MRLN: variants seen among roughly 807,000 people sequenced by gnomAD.
MRLN encodes myoregulin, also known as Linc-RNA activator of myogenesis.
intron 1 of MRLN, among the ~76,000 whole-genome samples, chr10:59,742,628 A>G (rs1018026402): frequency 3.9e-5 from 6 of 152,118 alleles, no homozygotes; most frequent in Admixed American, 3.9e-4. Context: ...AACTGTACAT[A>G]GAAGCTTCAT....
intron 1 of MRLN, among the ~76,000 whole-genome samples, chr10:59,751,772 T>A (rs1841106140): frequency 6.6e-6 from 1 of 151,920 alleles, no homozygotes; most frequent in Non-Finnish European, 1.5e-5. Context: ...GCACATGGTG[T>A]CTTGCACATG....
At chr10:59,751,498 T>TA (rs1459312310) in intron 1 of MRLN, among the ~76,000 whole-genome samples, 2 of 149,940 alleles carry the variant, frequency 1.3e-5, no homozygotes, top group Non-Finnish European at 1.5e-5. Context: ...CTGTCTCTAC[T>TA]AAAAAAAAAT....
chr10:59,737,107 TAAC>T lies in MRLN; in HGVS notation c.91_93del (p.Val31del), dbSNP rs1840932777. 1.3e-5 allele frequency: 5 copies of T among 397,954 alleles called. No individual in the cohort carries two copies. The Admixed American group carries it at 1.8e-4, about 14-fold the overall frequency. 24.7% of individuals were successfully genotyped at this position (397,954 alleles called of 1,614,324 possible). ...ATAATAGAAATTAAGTCAACAAAGA[TAAC>T]AAACAAAATTTTTAGAAGTCTTCCC... On this transcript the variant is annotated inframe_deletion, in exon 3 of 3. Transcript: ENST00000414264.
At chr10:59,750,125 T>G (rs1050640445) in intron 1 of MRLN, among the ~76,000 whole-genome samples, 4 of 135,984 alleles carry the variant, frequency 2.9e-5, no homozygotes, top group Non-Finnish European at 4.5e-5. Context: ...TAGGCTGGAG[T>G]GCAATGGCAC....
intron 1 of MRLN, chr10:59,744,280 G>C (rs1024300920): frequency 6.4e-6 from 1 of 155,508 alleles, no homozygotes; most frequent in African/African-American, 2.5e-5. Flanking sequence ...CCACCGTCCC[G>C]TCTGAGATGT....
At chr10:59,747,944 A>C (rs968814100) in intron 1 of MRLN, among the ~76,000 whole-genome samples, 4 of 152,256 alleles carry the variant, frequency 2.6e-5, no homozygotes, top group African/African-American at 9.6e-5. Context: ...AATAATTTTA[A>C]AAATAAAATC....
chr10:59,738,003 T>A (rs1840941824), intron 2 of MRLN: 1 of 151,892 alleles, frequency 6.6e-6, no homozygotes, highest in Non-Finnish European at 1.5e-5. Flanking sequence ...CATCTACTAT[T>A]TTCACCCCAA....
At chr10:59,752,529 C>G (rs1399101400) in intron 1 of MRLN, among the ~76,000 whole-genome samples, 1 of 152,192 alleles carries the variant, frequency 6.6e-6, no homozygotes, top group Non-Finnish European at 1.5e-5. Context: ...ACCACATCTG[C>G]CTCCTTCCAG....
At chr10:59,748,524 C>G (rs1412239675) in intron 1 of MRLN, among the ~76,000 whole-genome samples, 1 of 152,158 alleles carries the variant, frequency 6.6e-6, no homozygotes, top group African/African-American at 2.4e-5. Context: ...TATTCTTGCA[C>G]CTTGTTTCCT....
chr10:59,737,229 AAAGAG>A lies in MRLN; in HGVS notation c.-20-14_-20-10del. 2.5e-6 allele frequency: 1 copy of A among 395,150 alleles called. No homozygotes were observed. Among genetic ancestry groups the A allele is most frequent in the Non-Finnish European group, 4.5e-6 (1 of 223,422 alleles). 24.5% of individuals were successfully genotyped at this position (395,150 alleles called of 1,614,324 possible). A position where few individuals can be genotyped will look rare whatever the true frequency, so the allele number is the denominator to read the frequency against. On this transcript the variant is annotated splice_polypyrimidine_tract_variant and intron_variant, in intron 2 of 2. Coordinates refer to ENST00000414264, the MANE Select transcript of MRLN (RefSeq NM_001304731.2). ...CAGAATTATCCCGCTCCCTAGGAAA[AAAGAG>A]AAAAGTATCCTCAAATGAACACATT...
At chr10:59,743,110 A>C (rs1255975919) in intron 1 of MRLN, among the ~76,000 whole-genome samples, 1 of 152,174 alleles carries the variant, frequency 6.6e-6, no homozygotes, top group Non-Finnish European at 1.5e-5. Context: ...AAATAAATCC[A>C]AATGTCAATA....
intron 1 of MRLN, among the ~76,000 whole-genome samples, chr10:59,739,836 G>T (rs1033919615): frequency 2.0e-5 from 3 of 152,232 alleles, no homozygotes; most frequent in African/African-American, 7.2e-5. Flanking sequence ...GCTCACGCCT[G>T]TAATCCCAGC....
At chr10:59,746,256 T>C (rs1430442034) in intron 1 of MRLN, among the ~76,000 whole-genome samples, 20 of 152,212 alleles carry the variant, frequency 1.3e-4, no homozygotes, top group Non-Finnish European at 2.1e-4. Context: ...GAGGCATATG[T>C]TGAAAAATGA....
In MRLN at chr10:59,737,164, T is replaced by A. The variant is rs542021027; in HGVS notation, c.37A>T (p.Thr13Ser). 2.5e-6 allele frequency: 1 copy of A among 397,980 alleles called. No homozygotes were observed. Among genetic ancestry groups the A allele is most frequent in the African/African-American group, 2.1e-5 (1 of 48,704 alleles). 24.7% of individuals were successfully genotyped at this position (397,980 alleles called of 1,614,324 possible). The change falls in exon 3 of 3, where the codon ACT becomes TCT. Residue 13 changes from threonine (T) to serine (S), a missense_variant. Transcript: ENST00000414264. ...ATTTCATCTTCTAGACTTTTGGGAG[T>A]AGTAGTAGAAATTAATATCCAGTTT... Reference protein sequence around the residue: ...GKNWILISTTTPKSLEDEIVG... With the variant: ...GKNWILISTTSPKSLEDEIVG...
chr10:59,737,555 T>C (rs1840937363), intron 2 of MRLN, among the ~76,000 whole-genome samples: 1 of 151,890 alleles, frequency 6.6e-6, no homozygotes, highest in Admixed American at 6.6e-5. Flanking sequence ...ATCATTTTTA[T>C]TGGCATTGGT....
chr10:59,737,934 T>G (rs1193877214), intron 2 of MRLN: 1 of 152,076 alleles, frequency 6.6e-6, no homozygotes, highest in African/African-American at 2.4e-5. Context: ...CCATATATAC[T>G]CAACTTAAAA....
At chr10:59,751,505 A>C (rs1841102241) in intron 1 of MRLN, among the ~76,000 whole-genome samples, 1 of 151,816 alleles carries the variant, frequency 6.6e-6, no homozygotes, top group Non-Finnish European at 1.5e-5. Flanking sequence ...TACTAAAAAA[A>C]AATAATAACA....
At chr10:59,748,838 G>C (rs1053003024) in intron 1 of MRLN, among the ~76,000 whole-genome samples, 5 of 152,172 alleles carry the variant, frequency 3.3e-5, no homozygotes, top group African/African-American at 1.2e-4. Context: ...CAACATCTTT[G>C]ATTCCAGCCC....
chr10:59,745,747 T>A (rs764704577), intron 1 of MRLN, among the ~76,000 whole-genome samples: 2 of 152,088 alleles, frequency 1.3e-5, no homozygotes, highest in African/African-American at 2.4e-5. Flanking sequence ...CAAATGAGAG[T>A]AGCAGGAACC....
Sources: allele counts gnomAD v4.1 joint callset (sites outside exome capture counted in the v4.1 genomes callset), GRCh38; gene constraint gnomAD v4.1.1; transcripts MANE v1.5; gene names NCBI Gene and HGNC (gene_info 2026-07-23, HGNC 2026-07-21).